The following PHLPP1 variants were observed in gnomAD, a reference collection of about 807,000 sequenced individuals.
The protein encoded by PHLPP1 is PH domain and leucine rich repeat protein phosphatase 1.
In PHLPP1, 42 loss-of-function variants were observed where a neutral mutation model predicts 117.2. The ratio of observed to expected loss-of-function variants is 0.36; its 90% CI spans 0.28 to 0.46. The LOEUF (loss-of-function observed/expected upper bound fraction) is 0.46. Among genes scored for constraint, PHLPP1 ranks in the 20% least tolerant of loss-of-function variants. The probability of loss-of-function intolerance (pLI) is 1.00; values close to 1 mark genes in which losing one functional copy is unlikely to be tolerated. For missense variants in PHLPP1, 2,084 were observed against 2,241.9 expected (o/e 0.93, Z 1.42); for synonymous variants, 1,042 against 970.7 (o/e 1.07, Z -1.37).
intron 4 of PHLPP1, among the ~76,000 whole-genome samples, chr18:62,872,648 C>T (rs1915932257): frequency 2.0e-5 from 3 of 148,816 alleles, no homozygotes; most frequent in South Asian, 2.1e-4. Flanking sequence ...GCAGAGATCG[C>T]GCCACTGGAC....
At chr18:62,808,232 C>A (rs1914007740) in intron 1 of PHLPP1, among the ~76,000 whole-genome samples, 2 of 151,952 alleles carry the variant, frequency 1.3e-5, no homozygotes, top group South Asian at 4.2e-4. Flanking sequence ...GTAGGAGGAG[C>A]CATTAAAGTA....
chr18:62,782,653 T>C (rs1913151292), intron 1 of PHLPP1, among the ~76,000 whole-genome samples: 2 of 152,196 alleles, frequency 1.3e-5, no homozygotes, highest in African/African-American at 4.8e-5. Flanking sequence ...CAGCAATAAT[T>C]TCAATAATAT....
chr18:62,818,553 A>G (rs1438636314), intron 1 of PHLPP1, among the ~76,000 whole-genome samples: 4 of 152,130 alleles, frequency 2.6e-5, no homozygotes, highest in East Asian at 1.9e-4. Context: ...TTGAAAAAAC[A>G]AAGGAAAAGG....
intron 14 of PHLPP1, 122 bp from the exon 15 acceptor site, chr18:62,972,392 A>C (rs1911076121): frequency 2.5e-6 from 2 of 809,876 alleles, no homozygotes; most frequent in Admixed American, 6.2e-5. Flanking sequence ...CCTGCCCTTA[A>C]TCTGTCTGGA....
At chr18:62,838,971 G>A in intron 3 of PHLPP1, 62 bp downstream of exon 3, 1 of 1,568,792 alleles carries the variant, frequency 6.4e-7, no homozygotes, top group African/African-American at 1.4e-5. Flanking sequence ...GTTCCTTTCT[G>A]CTTTAGCTGG....
At chr18:62,840,796 C>G (rs1019449115) in intron 3 of PHLPP1, among the ~76,000 whole-genome samples, 3 of 152,218 alleles carry the variant, frequency 2.0e-5, no homozygotes, top group African/African-American at 7.2e-5. Context: ...TTCCCAACCC[C>G]CTCACTCAGT....
intron 1 of PHLPP1, among the ~76,000 whole-genome samples, chr18:62,767,032 C>G (rs1376694948): frequency 6.6e-6 from 1 of 152,162 alleles, no homozygotes; most frequent in African/African-American, 2.4e-5. Context: ...CTCCTGCCAG[C>G]CACTCTCCTG....
intron 3 of PHLPP1, among the ~76,000 whole-genome samples, chr18:62,853,756 CATTG>C (rs1424767835): frequency 6.6e-6 from 1 of 152,216 alleles, no homozygotes; most frequent in Admixed American, 6.5e-5. Context: ...GTCTATAGTT[CATTG>C]ATGGTCTGGC....
intron 4 of PHLPP1, chr18:62,889,715 G>C (rs1306496488): frequency 6.6e-6 from 1 of 152,256 alleles, no homozygotes; most frequent in Non-Finnish European, 1.5e-5. Flanking sequence ...TTGGTGTGCA[G>C]GGTAAGGAAT....
rs139182005 is a variant in PHLPP1 at position 62,871,580 on chromosome 18, G to A, written c.2066+10979G>A. Among the ~76,000 whole-genome samples the A allele has an allele frequency of 5.7e-3, 861 of 151,522 alleles. 13 individuals are homozygous for A. Among genetic ancestry groups the A allele is most frequent in the African/African-American group, 0.02 (819 of 41,254 alleles). ...TGACCTCAGGTGATCTGACTGCCTC[G>A]GCCTCCGAAAGTGCTGGGATTACAG... On this transcript the variant is annotated intron_variant, in intron 4 of 16. Coordinates refer to ENST00000262719, the MANE Select transcript of PHLPP1 (RefSeq NM_194449.4).
At chr18:62,840,408 C>T (rs141392529) in intron 3 of PHLPP1, among the ~76,000 whole-genome samples, 62 of 152,286 alleles carry the variant, frequency 4.1e-4, no homozygotes, top group Middle Eastern at 3.4e-3. Context: ...CCTTCAGATT[C>T]ACATGTAGAA....
At chr18:62,726,333 G>C (rs529993382) in intron 1 of PHLPP1, among the ~76,000 whole-genome samples, 1 of 148,416 alleles carries the variant, frequency 6.7e-6, no homozygotes. Flanking sequence ...TTTTTTTTTT[G>C]GGGGGGTTGG....
intron 9 of PHLPP1, among the ~76,000 whole-genome samples, chr18:62,915,908 T>C (rs973506731): frequency 1.3e-5 from 2 of 152,244 alleles, no homozygotes; most frequent in African/African-American, 4.8e-5. Flanking sequence ...CCAGGTCTTA[T>C]TATTTCCACC....
At chr18:62,827,882 T>C (rs1254266806) in intron 1 of PHLPP1, among the ~76,000 whole-genome samples, 2 of 152,198 alleles carry the variant, frequency 1.3e-5, no homozygotes, top group African/African-American at 4.8e-5. Flanking sequence ...GGCCAGCCCT[T>C]ATGTACCCCT....
At chr18:62,781,286 A>G (rs1913112166) in intron 1 of PHLPP1, among the ~76,000 whole-genome samples, 1 of 152,230 alleles carries the variant, frequency 6.6e-6, no homozygotes. Flanking sequence ...CTAAATGATT[A>G]TAACTTTGAT....
chr18:62,826,118 T>TTATCTGACAAATCTGATGTCTGTGCATA (rs1488869082), intron 1 of PHLPP1: 1 of 233,924 alleles, frequency 4.3e-6, no homozygotes. Flanking sequence ...TCTACTACAG[T>TTATCTGACAAATCTGATGTCTGTGCATA]TATCTGACAA....
chr18:62,959,522 T>C (rs964213644), intron 13 of PHLPP1, among the ~76,000 whole-genome samples: 3 of 152,216 alleles, frequency 2.0e-5, no homozygotes, highest in Admixed American at 6.5e-5. Context: ...GATAATAGTA[T>C]TATGGGTAGT....
In PHLPP1 at chr18:62,978,692, G is replaced by T; in HGVS notation, c.4415G>T (p.Gly1472Val). The change falls in exon 17 of 17, where the codon GGC becomes GTC. Residue 1472 changes from glycine (G) to valine (V), a missense_variant. Gly to Val is a moderately radical substitution (Grantham distance 109). This residue lies in a region of PHLPP1 where 1,365 missense variants were observed against 1,605.9 expected (regional missense o/e 0.85). Coordinates refer to ENST00000262719, the MANE Select transcript of PHLPP1 (RefSeq NM_194449.4). This position sits in a 1 kb window ranked among gnomAD's most constrained non-coding sequence, Gnocchi z 7.0. ...DGLGVPSSSS[G>V]MASEISSELS... ...CTGGGCGTGCCGTCCTCCAGCAGCG[G>T]CATGGCTTCCGAGATTAGCAGTGAG... The T allele has an allele frequency of 6.2e-7, 1 of 1,613,832 alleles. No individual in the cohort carries two copies. The highest frequency in any genetic ancestry group is 8.5e-7 in the Non-Finnish European group (1 of 1,179,862).
intron 1 of PHLPP1, among the ~76,000 whole-genome samples, chr18:62,750,829 A>T (rs1008091736): frequency 6.6e-6 from 1 of 152,084 alleles, no homozygotes; most frequent in African/African-American, 2.4e-5. Flanking sequence ...TTTAGGTGAC[A>T]GGTCACCCCA....
Sources: gnomAD v4.1 joint callset for allele counts (sites outside exome capture counted in the v4.1 genomes callset) on GRCh38, gnomAD v4.1.1 for gene constraint, gnomAD v4.1.1 regional missense constraint, Gnocchi (gnomAD v3.1) non-coding constraint, MANE v1.5 for transcripts, NCBI Gene and HGNC (gene_info 2026-07-23, HGNC 2026-07-21) for gene names.